Variants in KREMEN1 observed in about 807,000 individuals in gnomAD.
KREMEN1 encodes kringle containing transmembrane protein 1.
KREMEN1 carries 30 observed loss-of-function variants against 46.5 expected under a neutral mutation model. The observed-to-expected ratio is 0.65, with a 90% CI of 0.48 to 0.88. The LOEUF is 0.88. KREMEN1 is among the 40% of genes least tolerant of loss of function. The probability of loss-of-function intolerance (pLI) is 0.00; values close to 1 mark genes in which losing one functional copy is unlikely to be tolerated. For missense variants in KREMEN1, 533 were observed against 596.9 expected, an observed-to-expected ratio of 0.89 and a Z score of 1.11; for synonymous variants, 214 against 230.6, an observed-to-expected ratio of 0.93 and a Z score of 0.65.
At chr22:29,164,059 C>G (rs925670900) in intron 9 of KREMEN1, among the ~76,000 whole-genome samples, 1 of 152,094 alleles carries the variant, frequency 6.6e-6, no homozygotes, top group African/African-American at 2.4e-5. Context: ...AAGGGATCTT[C>G]CCACCTCAGC....
intron 2 of KREMEN1, among the ~76,000 whole-genome samples, chr22:29,096,211 G>A (rs896300644): frequency 1.3e-5 from 2 of 152,166 alleles, no homozygotes; most frequent in African/African-American, 4.8e-5. Flanking sequence ...GAGTGTTTAG[G>A]AAGAGAGACA....
chr22:29,125,215 T>C, intron 4 of KREMEN1, 48 bp from the exon 5 acceptor site: 2 of 1,599,178 alleles, frequency 1.3e-6, no homozygotes, highest in Non-Finnish European at 1.7e-6. Context: ...TCAGGCCATC[T>C]GACATCCCTG....
At chr22:29,112,850 A>G (rs775595434) in intron 3 of KREMEN1, among the ~76,000 whole-genome samples, 1 of 152,234 alleles carries the variant, frequency 6.6e-6, no homozygotes, top group Non-Finnish European at 1.5e-5. Context: ...AGGGTGGGAC[A>G]CGATCTAGAA....
chr22:29,092,434 A>G (rs1273102651), intron 1 of KREMEN1, among the ~76,000 whole-genome samples: 1 of 152,162 alleles, frequency 6.6e-6, no homozygotes, highest in African/African-American at 2.4e-5. Flanking sequence ...CACTGTGTAA[A>G]TATTAGAAGT....
At chr22:29,156,971 C>T (rs924747891) in intron 9 of KREMEN1, among the ~76,000 whole-genome samples, 1 of 152,216 alleles carries the variant, frequency 6.6e-6, no homozygotes, top group Non-Finnish European at 1.5e-5. Context: ...TGGATAACAT[C>T]TCTTCTTCAG....
intron 1 of KREMEN1, among the ~76,000 whole-genome samples, chr22:29,085,975 A>T (rs2037722238): frequency 6.6e-6 from 1 of 151,200 alleles, no homozygotes; most frequent in Non-Finnish European, 1.5e-5. Context: ...TGTCTCAAAA[A>T]AAAAAAGTGC....
At chr22:29,149,157 A>C (rs1432248183), downstream of KREMEN1, among the ~76,000 whole-genome samples, 2 of 148,636 alleles carry the variant, frequency 1.3e-5, no homozygotes, top group Admixed American at 6.7e-5. Context: ...AGATGTTGCA[A>C]CATAATGGCA....
chr22:29,097,740 C>T (rs539922105), intron 2 of KREMEN1, among the ~76,000 whole-genome samples: 3 of 151,738 alleles, frequency 2.0e-5, no homozygotes, highest in Non-Finnish European at 4.4e-5. Flanking sequence ...TAAAATAAAA[C>T]CAGAAAAGAA....
At chr22:29,133,020 G>A (rs1157119654) in intron 5 of KREMEN1, among the ~76,000 whole-genome samples, 4 of 152,006 alleles carry the variant, frequency 2.6e-5, no homozygotes, top group Admixed American at 6.6e-5. Flanking sequence ...AGGCCGAGGC[G>A]GGTGGATCAC....
At chr22:29,105,552 A>C (rs1430673702) in intron 3 of KREMEN1, among the ~76,000 whole-genome samples, 1 of 151,856 alleles carries the variant, frequency 6.6e-6, no homozygotes, top group African/African-American at 2.4e-5. Flanking sequence ...CTGAAACATA[A>C]ATTTTAAGAA....
At chr22:29,110,096 C>T (rs1448872209) in intron 3 of KREMEN1, among the ~76,000 whole-genome samples, 1 of 152,176 alleles carries the variant, frequency 6.6e-6, no homozygotes. Context: ...GTGACTTAAG[C>T]GCCAACAGTT....
intron 9 of KREMEN1, among the ~76,000 whole-genome samples, chr22:29,151,976 C>T (rs2038918339): frequency 6.7e-6 from 1 of 148,634 alleles, no homozygotes; most frequent in Non-Finnish European, 1.5e-5. Flanking sequence ...TGCCATTGCA[C>T]TCCAGCCTGG....
At chr22:29,148,307 G>A (rs1329755675), downstream of KREMEN1, among the ~76,000 whole-genome samples, 1 of 152,070 alleles carries the variant, frequency 6.6e-6, no homozygotes, top group Non-Finnish European at 1.5e-5. Context: ...GTGAGTGTTG[G>A]GGCCACCCCT....
chr22:29,117,399 G>C (rs1030792723), intron 3 of KREMEN1, among the ~76,000 whole-genome samples: 17 of 151,990 alleles, frequency 1.1e-4, no homozygotes, highest in Non-Finnish European at 2.2e-4. Context: ...AACCCTGTCT[G>C]TACTAAAAAT....
intron 1 of KREMEN1, among the ~76,000 whole-genome samples, chr22:29,086,963 A>T (rs898967502): frequency 1.3e-5 from 2 of 152,000 alleles, no homozygotes; most frequent in Non-Finnish European, 2.9e-5. Context: ...AGGTCTCCCT[A>T]TGTTGCCCAG....
intron 9 of KREMEN1, among the ~76,000 whole-genome samples, chr22:29,166,556 A>G (rs1208739914): frequency 1.3e-5 from 2 of 152,206 alleles, no homozygotes; most frequent in African/African-American, 4.8e-5. Flanking sequence ...TAGAACCTTT[A>G]GAGTATGTTA....
Position 29,135,440 on chromosome 22 carries a change from C to G in KREMEN1, c.632-1902C>G, listed in dbSNP as rs12159677. Among the ~76,000 whole-genome samples the G allele has an allele frequency of 6.9e-3, 1,051 of 152,260 alleles. 13 individuals carry two copies. The highest frequency in any genetic ancestry group is 0.024 in the African/African-American group (981 of 41,556). ...GATTTGCTTCCCCTCTCCCAGCTGC[C>G]GAAGGCTTTTACTTTCTTAGAGAGG... On this transcript the variant is annotated intron_variant, in intron 5 of 8. Coordinates refer to ENST00000400335, the MANE Select transcript of KREMEN1 (RefSeq NM_001039570.3).
chr22:29,145,072 C>A lies in KREMEN1; in HGVS notation c.*2960C>A. On this transcript the variant is annotated 3_prime_UTR_variant, in exon 9 of 9. Coordinates refer to ENST00000400335, the MANE Select transcript of KREMEN1 (RefSeq NM_001039570.3). ...AAGCCTCCGTGGGCACTGGCTCCTG[C>A]CGCAGCCTGGCTATGGACTCAGTTA... 1.0e-6 allele frequency: 1 copy of A among 985,490 alleles called. No homozygotes were observed. The highest frequency in any genetic ancestry group is 1.2e-6 in the Non-Finnish European group (1 of 829,972). The allele number at this position is 985,490 out of a possible 1,614,324, so 61.0% of individuals were successfully genotyped here. A position where few individuals can be genotyped will look rare whatever the true frequency, so the allele number is the denominator to read the frequency against.
At chr22:29,156,818 G>A (rs1284876256) in intron 9 of KREMEN1, among the ~76,000 whole-genome samples, 2 of 152,170 alleles carry the variant, frequency 1.3e-5, no homozygotes, top group East Asian at 1.9e-4. Context: ...CAGGCTCCCC[G>A]CTCAACTCTA....
Sources: gnomAD v4.1 joint callset for allele counts (sites outside exome capture counted in the v4.1 genomes callset) on GRCh38, gnomAD v4.1.1 for gene constraint, MANE v1.5 for transcripts, NCBI Gene and HGNC (gene_info 2026-07-23, HGNC 2026-07-21) for gene names.